Variants in TRPC4 observed in about 807,000 individuals in gnomAD.
TRPC4 encodes the protein transient receptor potential cation channel subfamily C member 4.
A neutral mutation model predicts 99.4 loss-of-function variants in TRPC4; 49 were observed. That is an observed-to-expected ratio of 0.49 (90% CI 0.39 to 0.63). TRPC4 has a LOEUF of 0.63. Ranked by LOEUF, TRPC4 falls within the 20% of genes least tolerant of loss-of-function variation. The pLI, the probability that TRPC4 is intolerant of heterozygous loss-of-function variation, is 0.00. For synonymous variants in TRPC4, 454 were observed against 425.9 expected, an observed-to-expected ratio of 1.07 and a Z score of -0.81; for missense variants, 898 against 1,152.9, an observed-to-expected ratio of 0.78 and a Z score of 3.20.
At chr13:37,661,790 CA>C (rs1212522313) in intron 6 of TRPC4, among the ~76,000 whole-genome samples, 1 of 144,978 alleles carries the variant, frequency 6.9e-6, no homozygotes, top group East Asian at 2.2e-4. Flanking sequence ...AGTCAAGAAC[CA>C]CAAATAAGAC....
At chr13:37,847,623 C>A (rs1025957592) in intron 1 of TRPC4, among the ~76,000 whole-genome samples, 1 of 151,682 alleles carries the variant, frequency 6.6e-6, no homozygotes, top group Admixed American at 6.6e-5. Context: ...CACAATGCAC[C>A]CCATGAATAT....
At chr13:37,808,599 T>A (rs142307696) in intron 1 of TRPC4, among the ~76,000 whole-genome samples, 1 of 152,130 alleles carries the variant, frequency 6.6e-6, no homozygotes, top group Non-Finnish European at 1.5e-5. Flanking sequence ...CATCCAAAGC[T>A]ACACCAGTTG....
intron 4 of TRPC4, among the ~76,000 whole-genome samples, chr13:37,680,586 T>C (rs1593498128): frequency 6.6e-6 from 1 of 152,198 alleles, no homozygotes; most frequent in East Asian, 1.9e-4. Context: ...AAAACTGCCC[T>C]GTACAAGAGG....
chr13:37,686,655 T>TCA (rs1368943130), intron 4 of TRPC4, among the ~76,000 whole-genome samples: 2 of 152,164 alleles, frequency 1.3e-5, no homozygotes, highest in African/African-American at 4.8e-5. Flanking sequence ...TGTTTAAAAA[T>TCA]TTGCTAAATA....
At chr13:37,655,365 T>TTTTATATATATA in intron 6 of TRPC4, 82 bp from the exon 7 acceptor site, 1 of 370,414 alleles carries the variant, frequency 2.7e-6, no homozygotes, top group African/African-American at 2.6e-5. Context: ...CTTGGCATGA[T>TTTTATATATATA]TATATATATA....
chr13:37,779,748 T>C (rs531272514), intron 2 of TRPC4, among the ~76,000 whole-genome samples: 163 of 152,182 alleles, frequency 1.1e-3, no homozygotes, highest in Non-Finnish European at 1.9e-3. Flanking sequence ...GTATTAATAC[T>C]AACAAATCAA....
At position 37,651,465 on chromosome 13, in the gene TRPC4, C is replaced by T. The variant is rs1952039097; in HGVS notation, c.1885-6G>A. On this transcript the variant is annotated splice_region_variant and splice_polypyrimidine_tract_variant and intron_variant, in intron 7 of 10. Transcript: ENST00000379705. ...CATTCTATATCTGCATGGTCCTGAACAGGAGAACATGACAACTGATGATAG... is the reference window on the plus strand; with the variant it reads ...CATTCTATATCTGCATGGTCCTGAATAGGAGAACATGACAACTGATGATAG... 6.2e-7 allele frequency: 1 copy of T among 1,613,260 alleles called. No homozygotes were observed. The highest frequency in any genetic ancestry group is 8.5e-7 in the Non-Finnish European group (1 of 1,179,364).
chr13:37,647,162 A>G (rs73184595), intron 8 of TRPC4, among the ~76,000 whole-genome samples: 2,325 of 152,244 alleles, frequency 0.015, 20 homozygotes, highest in Non-Finnish European at 0.025. Context: ...AACCCTGAAG[A>G]GTACTGGTTT....
At chr13:37,813,843 A>G (rs1957769148) in intron 1 of TRPC4, among the ~76,000 whole-genome samples, 1 of 151,916 alleles carries the variant, frequency 6.6e-6, no homozygotes, top group South Asian at 2.1e-4. Flanking sequence ...TCATTCTATG[A>G]AGGCAGAATT....
intron 3 of TRPC4, among the ~76,000 whole-genome samples, chr13:37,696,916 C>CT (rs5802894): frequency 0.49 from 69,001 of 140,908 alleles, 16,881 homozygotes; most frequent in African/African-American, 0.52. Context: ...GCTGAAACAT[C>CT]TTTTTTTTTT....
At position 37,746,057 on chromosome 13, in the gene TRPC4, C is replaced by T. The variant is rs115609911; in HGVS notation, c.777G>A (p.Thr259=). ...KQFAKDLLDQ[T]RSSRELEIIL... ...TGATTTCCAGTTCTCTGGAACTTCT[C>T]GTCTGATCCAGTAGGTCCTTAGCAA... Residue 259 remains threonine, a synonymous_variant, in exon 3 of 11, where the codon ACG becomes ACA. Coordinates refer to ENST00000379705, the MANE Select transcript of TRPC4 (RefSeq NM_016179.4). The T allele has an allele frequency of 2.5e-5, 41 of 1,613,914 alleles. No individual in the cohort carries two copies. In the East Asian group the frequency reaches 4.5e-4, roughly 18 times the overall value.
chr13:37,831,586 T>C (rs760151952), intron 1 of TRPC4, among the ~76,000 whole-genome samples: 15 of 152,210 alleles, frequency 9.9e-5, no homozygotes, highest in Non-Finnish European at 1.6e-4. Flanking sequence ...CCTTCCCATG[T>C]TCATTACAGA....
At chr13:37,711,034 A>G (rs1244355756) in intron 3 of TRPC4, among the ~76,000 whole-genome samples, 1 of 151,988 alleles carries the variant, frequency 6.6e-6, no homozygotes, top group Non-Finnish European at 1.5e-5. Flanking sequence ...CACAAAACAA[A>G]GTCTACTGTT....
chr13:37,644,860 G>C (rs1227375495), intron 8 of TRPC4, among the ~76,000 whole-genome samples: 1 of 106,248 alleles, frequency 9.4e-6, no homozygotes, highest in African/African-American at 3.8e-5. Flanking sequence ...GCAACAGAGC[G>C]AGACTCCATC....
At chr13:37,855,991 G>A (rs2139695842) in intron 1 of TRPC4, among the ~76,000 whole-genome samples, 1 of 151,420 alleles carries the variant, frequency 6.6e-6, no homozygotes, top group African/African-American at 2.4e-5. Flanking sequence ...GCAATAGCAA[G>A]CTAAACCCAA....
chr13:37,867,178 T>C (rs1295683349), intron 1 of TRPC4, among the ~76,000 whole-genome samples: 7 of 152,022 alleles, frequency 4.6e-5, no homozygotes, highest in East Asian at 1.9e-4. Flanking sequence ...CCTAATTTTA[T>C]AGTTCTAGCT....
In TRPC4 at chr13:37,663,555, A is replaced by C. The variant is rs779445100; in HGVS notation, c.1549T>G (p.Leu517Val). ...ISLGRMLLDI[L>V]KFLFIYCLVL... ...AGGCAGTATATGAATAGAAACTTCAAAATGTCCAGGAGCATTCTTCCCAGA... is the reference window on the plus strand; with the variant it reads ...AGGCAGTATATGAATAGAAACTTCACAATGTCCAGGAGCATTCTTCCCAGA... The change falls in exon 6 of 11, where the codon TTG (leucine) becomes GTG (valine). Residue 517 changes from leucine to valine, a missense_variant. Physicochemically the swap from Leu to Val is conservative, Grantham distance 32 (BLOSUM62 1). Transcript: ENST00000379705. 3.1e-6 allele frequency: 5 copies of C among 1,614,220 alleles called. No homozygotes were observed. Among genetic ancestry groups the C allele is most frequent in the Non-Finnish European group, 8.5e-7 (1 of 1,180,026 alleles).
intron 5 of TRPC4, among the ~76,000 whole-genome samples, chr13:37,664,854 T>C (rs552681411): frequency 5.3e-5 from 8 of 152,196 alleles, no homozygotes; most frequent in African/African-American, 1.9e-4. Flanking sequence ...TAATAGATAG[T>C]ATTTTTTAAT....
chr13:37,677,860 T>C (rs910359217), intron 4 of TRPC4, among the ~76,000 whole-genome samples: 3 of 152,054 alleles, frequency 2.0e-5, no homozygotes, highest in Non-Finnish European at 4.4e-5. Context: ...TTCACCAAGA[T>C]AGGCCATAGT....
Sources: allele counts gnomAD v4.1 joint callset (sites outside exome capture counted in the v4.1 genomes callset), GRCh38; gene constraint gnomAD v4.1.1; transcripts MANE v1.5; gene names NCBI Gene and HGNC (gene_info 2026-07-23, HGNC 2026-07-21).